The following STK32B variants were observed in gnomAD, a reference collection of about 807,000 sequenced individuals.
STK32B encodes the protein serine/threonine-protein kinase 32B.
STK32B carries 43 observed loss-of-function variants against 52.6 expected under a neutral mutation model. That is an observed-to-expected ratio of 0.82 (90% confidence interval 0.64 to 1.05). The LOEUF (loss-of-function observed/expected upper bound fraction) is 1.05, where lower values mean the gene tolerates loss of function less well. Among genes scored for constraint, STK32B ranks in the 50% least tolerant of loss-of-function variants. The pLI is 0.00. For synonymous variants in STK32B, 238 were observed against 204.3 expected (o/e 1.17, Z -1.41); for missense variants, 621 against 534.6 (o/e 1.16, Z -1.59).
intron 6 of STK32B, chr4:5,432,156 CT>C (rs756605794): frequency 2.4e-4 from 36 of 152,184 alleles, no homozygotes; most frequent in Non-Finnish European, 4.7e-4. Flanking sequence ...TCCATGGAAT[CT>C]GAAACTCAAA....
intron 3 of STK32B, among the ~76,000 whole-genome samples, chr4:5,220,139 A>G (rs143140240): frequency 1.3e-5 from 2 of 152,298 alleles, no homozygotes; most frequent in African/African-American, 4.8e-5. Context: ...TAGAGTCCCA[A>G]CCAGAAGATG....
At chr4:5,078,866 T>C (rs1164709325) in intron 1 of STK32B, among the ~76,000 whole-genome samples, 3 of 152,230 alleles carry the variant, frequency 2.0e-5, no homozygotes, top group Admixed American at 6.5e-5. Context: ...AGTGGAGTTA[T>C]AGTGGAATTG....
chr4:5,100,672 CTTT>C (rs1713706660), intron 1 of STK32B, among the ~76,000 whole-genome samples: 8 of 43,242 alleles, frequency 1.9e-4, no homozygotes, highest in Non-Finnish European at 2.2e-4. Context: ...TTCTTTCTTT[CTTT>C]CCTTTCTTAC....
At chr4:5,068,019 A>G (rs928223581) in intron 1 of STK32B, among the ~76,000 whole-genome samples, 2 of 152,166 alleles carry the variant, frequency 1.3e-5, no homozygotes, top group African/African-American at 4.8e-5. Context: ...ATTATAATTC[A>G]GCATGAGATT....
intron 3 of STK32B, among the ~76,000 whole-genome samples, chr4:5,270,217 A>T (rs1311200458): frequency 6.6e-6 from 1 of 152,206 alleles, no homozygotes; most frequent in African/African-American, 2.4e-5. Flanking sequence ...TCACACGATT[A>T]CAGGTGAGGT....
chr4:5,188,790 T>G (rs889129216), intron 3 of STK32B, among the ~76,000 whole-genome samples: 1 of 147,998 alleles, frequency 6.8e-6, no homozygotes, highest in Non-Finnish European at 1.5e-5. Flanking sequence ...TTTTTTTTTT[T>G]CTAAGAAGAC....
At chr4:5,133,805 T>C (rs1336658062) in intron 1 of STK32B, among the ~76,000 whole-genome samples, 1 of 152,222 alleles carries the variant, frequency 6.6e-6, no homozygotes, top group Non-Finnish European at 1.5e-5. Context: ...TTCTGTTTAC[T>C]GAGTTGCCCT....
At chr4:5,157,361 TAGA>T (rs1393581996) in intron 2 of STK32B, among the ~76,000 whole-genome samples, 1 of 149,172 alleles carries the variant, frequency 6.7e-6, no homozygotes, top group Non-Finnish European at 1.5e-5. Flanking sequence ...GACAGTTTAG[TAGA>T]AGAAGCAGAC....
intron 1 of STK32B, among the ~76,000 whole-genome samples, chr4:5,107,795 A>G (rs76903169): frequency 0.037 from 5,580 of 152,228 alleles, 241 homozygotes; most frequent in East Asian, 0.22. Context: ...GTGTTATCCA[A>G]TGAGTTTTTT....
At chr4:5,230,803 T>C (rs1454456754) in intron 3 of STK32B, among the ~76,000 whole-genome samples, 10 of 152,112 alleles carry the variant, frequency 6.6e-5, no homozygotes, top group African/African-American at 2.4e-4. Context: ...AGAGGGGAGA[T>C]GAATCCACAG....
intron 11 of STK32B, 134 bp downstream of exon 11, chr4:5,468,204 A>T: frequency 1.2e-6 from 1 of 834,628 alleles, no homozygotes; most frequent in Non-Finnish European, 2.0e-6. Flanking sequence ...GGTGAGACAC[A>T]GGGCTCTGGT....
At chr4:5,379,772 C>A (rs1012015461) in intron 4 of STK32B, among the ~76,000 whole-genome samples, 1 of 152,124 alleles carries the variant, frequency 6.6e-6, no homozygotes, top group Non-Finnish European at 1.5e-5. Flanking sequence ...AGGAACCAAC[C>A]CTGCCAACAC....
intron 4 of STK32B, among the ~76,000 whole-genome samples, chr4:5,397,078 A>T (rs1736969788): frequency 6.6e-6 from 1 of 152,238 alleles, no homozygotes; most frequent in African/African-American, 2.4e-5. Flanking sequence ...AAACCCGTAG[A>T]TATTGCATTG....
the STK32B span, among the ~76,000 whole-genome samples, chr4:5,034,037 A>G: frequency 1.3e-5 from 2 of 152,214 alleles, no homozygotes; most frequent in Non-Finnish European, 2.9e-5. Context: ...TGTAACGGAC[A>G]CTTTACAAAA....
intron 2 of STK32B, among the ~76,000 whole-genome samples, chr4:5,157,502 G>A (rs77170288): frequency 2.3e-4 from 35 of 152,174 alleles, no homozygotes; most frequent in Non-Finnish European, 4.9e-4. Flanking sequence ...CAGCCTCTCC[G>A]AGAGGAGAAA....
intron 3 of STK32B, among the ~76,000 whole-genome samples, chr4:5,257,314 G>GATGAGTGAGCAAGTGA (rs1046442428): frequency 6.6e-6 from 1 of 151,908 alleles, no homozygotes. Context: ...TGAATGAGTA[G>GATGAGTGAGCAAGTGA]ATGAGTGAGC....
chr4:5,085,948 C>G (rs1394437886), intron 1 of STK32B, among the ~76,000 whole-genome samples: 1 of 152,134 alleles, frequency 6.6e-6, no homozygotes, highest in Non-Finnish European at 1.5e-5. Flanking sequence ...AGAAGACTAG[C>G]TGGAAAGGCT....
chr4:5,319,438 G>T (rs1160809771), intron 3 of STK32B, among the ~76,000 whole-genome samples: 1 of 152,286 alleles, frequency 6.6e-6, no homozygotes, highest in East Asian at 1.9e-4. Context: ...ATCTGACAAG[G>T]ACTTTCTCCT....
chr4:5,171,650 C>A (rs1018053034), intron 3 of STK32B, among the ~76,000 whole-genome samples: 1 of 148,580 alleles, frequency 6.7e-6, no homozygotes, highest in Non-Finnish European at 1.5e-5. Context: ...GGGCTCTATT[C>A]TGTTCCATTG....
Sources: allele counts gnomAD v4.1 joint callset (sites outside exome capture counted in the v4.1 genomes callset), GRCh38; gene constraint gnomAD v4.1.1; transcripts MANE v1.5; gene names NCBI Gene and HGNC (gene_info 2026-07-23, HGNC 2026-07-21).